The following ZBTB34 variants were observed in gnomAD, a reference collection of about 807,000 sequenced individuals.
The protein encoded by ZBTB34 is zinc finger and BTB domain-containing protein 34.
Under a neutral mutation model 33.4 loss-of-function variants are expected in ZBTB34, and 1 was observed. The observed-to-expected ratio is 0.03, with a 90% CI of 0.01 to 0.14. ZBTB34 has a LOEUF of 0.14. Among genes scored for constraint, ZBTB34 ranks in the 10% least tolerant of loss-of-function variants. The probability of loss-of-function intolerance (pLI) is 1.00; values close to 1 mark genes in which losing one functional copy is unlikely to be tolerated. For synonymous variants in ZBTB34, 283 were observed against 253.5 expected, an observed-to-expected ratio of 1.12 and a Z score of -1.11; for missense variants, 406 against 657.2, an observed-to-expected ratio of 0.62 and a Z score of 4.18.
At chr9:126,877,629 C>T (rs926690122) in intron 1 of ZBTB34, among the ~76,000 whole-genome samples, 21 of 152,218 alleles carry the variant, frequency 1.4e-4, no homozygotes, top group Admixed American at 2.0e-4. Flanking sequence ...TGTGCCGCAG[C>T]TGTGAGCGCT....
At chr9:126,860,729 G>C (rs1588381363) in exon 1 of ZBTB34, 1 of 145,690 alleles carries the variant, frequency 6.9e-6, no homozygotes, top group African/African-American at 2.5e-5. Context: ...TGAGCGCGGC[G>C]CTCTGGACAG....
intron 1 of ZBTB34, among the ~76,000 whole-genome samples, chr9:126,865,411 T>C (rs1173546131): frequency 6.6e-6 from 1 of 152,240 alleles, no homozygotes; most frequent in Admixed American, 6.5e-5. Flanking sequence ...GTGAGGAGTC[T>C]CACAGAATCA....
At chr9:126,864,976 A>G (rs2033182209) in intron 1 of ZBTB34, among the ~76,000 whole-genome samples, 1 of 152,214 alleles carries the variant, frequency 6.6e-6, no homozygotes, top group South Asian at 2.1e-4. Flanking sequence ...AAATGACTGA[A>G]GCCAGCAGGT....
At chr9:126,885,565 A>AT (rs1167205930) in exon 2 of ZBTB34, 1 of 167,144 alleles carries the variant, frequency 6.0e-6, no homozygotes, top group Non-Finnish European at 1.5e-5. Flanking sequence ...CAGTGTCATT[A>AT]TCTTGCAATA....
intron 1 of ZBTB34, among the ~76,000 whole-genome samples, chr9:126,869,095 C>T (rs2033245247): frequency 6.6e-6 from 1 of 152,138 alleles, no homozygotes. Context: ...TGCTTGGTCA[C>T]AGCGAATATG....
intron 1 of ZBTB34, among the ~76,000 whole-genome samples, chr9:126,875,424 A>T (rs2033342843): frequency 6.6e-6 from 1 of 152,184 alleles, no homozygotes; most frequent in South Asian, 2.1e-4. Context: ...TTTATAAATT[A>T]ATTTTGGGGG....
exon 2 of ZBTB34, chr9:126,882,511 G>T (rs528940126): frequency 6.0e-6 from 1 of 167,004 alleles, no homozygotes; most frequent in Non-Finnish European, 1.5e-5. Context: ...AGATTGCTTC[G>T]GTACTGTAAA....
intron 1 of ZBTB34, among the ~76,000 whole-genome samples, chr9:126,877,515 T>TTATGTTTCTG (rs1214987202): frequency 6.6e-6 from 1 of 152,198 alleles, no homozygotes; most frequent in Non-Finnish European, 1.5e-5. Context: ...TCTGGTTTTG[T>TTATGTTTCTG]TATGTTTCTG....
Position 126,879,523 on chromosome 9 carries a change from A to G in ZBTB34, c.124A>G (p.Ile42Val). The change falls in exon 2 of 2, where the codon ATT becomes GTT. Residue 42 changes from isoleucine to valine, a missense_variant. This residue lies in a region of ZBTB34 where 50 missense variants were observed against 157.9 expected (regional missense o/e 0.32). Coordinates refer to ENST00000319119, the Ensembl canonical transcript of ZBTB34. The surrounding 1 kb of genome is among the most constrained non-coding windows in gnomAD (Gnocchi z 6.4). ...GAAACTATGTGACATCATTGTACAC[A>G]TTCAGGGTCAGCCATTCCGAGCCCA... 6.2e-7 allele frequency: 1 copy of G among 1,613,962 alleles called. No individual in the cohort carries two copies. Among genetic ancestry groups the G allele is most frequent in the African/African-American group, 1.3e-5 (1 of 75,062 alleles).
chr9:126,861,169 C>T (rs1215633828), intron 1 of ZBTB34, among the ~76,000 whole-genome samples: 1 of 152,158 alleles, frequency 6.6e-6, no homozygotes, highest in East Asian at 1.9e-4. Flanking sequence ...GAGAGCCGGC[C>T]GGGCCAGGGG....
intron 1 of ZBTB34, among the ~76,000 whole-genome samples, chr9:126,862,915 CTTTTT>C (rs11363063): frequency 6.9e-6 from 1 of 144,728 alleles, no homozygotes; most frequent in African/African-American, 2.5e-5. Flanking sequence ...TGTAATTTGC[CTTTTT>C]TTTTTTTTAA....
chr9:126,885,469 T>A (rs1257086090), exon 2 of ZBTB34: 1 of 167,088 alleles, frequency 6.0e-6, no homozygotes. Flanking sequence ...TTTCCTAATG[T>A]GAAAACCATC....
chr9:126,882,438 A>T (rs1268050051), exon 2 of ZBTB34: 1 of 167,138 alleles, frequency 6.0e-6, no homozygotes, highest in Non-Finnish European at 1.5e-5. Context: ...ATAATGTTTT[A>T]TTAGTACTTT....
chr9:126,877,325 A>G (rs920622423), intron 1 of ZBTB34, among the ~76,000 whole-genome samples: 1 of 152,184 alleles, frequency 6.6e-6, no homozygotes, highest in African/African-American at 2.4e-5. Flanking sequence ...ATATCTGTCC[A>G]TCTCTTTTTT....
chr9:126,871,280 C>T (rs1205280701), intron 1 of ZBTB34, among the ~76,000 whole-genome samples: 3 of 149,820 alleles, frequency 2.0e-5, no homozygotes, highest in African/African-American at 2.5e-5. Flanking sequence ...TGGTTAAGTA[C>T]GTTGTGATAT....
intron 1 of ZBTB34, among the ~76,000 whole-genome samples, chr9:126,862,645 C>T (rs972877723): frequency 2.0e-5 from 3 of 152,192 alleles, no homozygotes. Context: ...TTCCTTCAAG[C>T]CCCTGCTGCA....
chr9:126,879,276 A>G lies in ZBTB34; in HGVS notation c.-10-114A>G. On this transcript the variant is annotated intron_variant, in intron 1 of 1. Transcript: ENST00000319119. This position sits in a 1 kb window ranked among gnomAD's most constrained non-coding sequence, Gnocchi z 6.4. ...AAACAAGGGGAAGAATGCTTCAGGT[A>G]GATTTTAGGAGGTATGATAGCCACA... 1 of 823,448 alleles carries G rather than the reference A, an allele frequency of 1.2e-6. No homozygotes were observed. The highest frequency in any genetic ancestry group is 1.9e-6 in the Non-Finnish European group (1 of 532,606). 51.0% of individuals were successfully genotyped at this position (823,448 alleles called of 1,614,324 possible). A position where few individuals can be genotyped will look rare whatever the true frequency, so the allele number is the denominator to read the frequency against.
intron 1 of ZBTB34, among the ~76,000 whole-genome samples, chr9:126,872,182 C>T (rs1049923003): frequency 8.6e-5 from 13 of 151,994 alleles, no homozygotes; most frequent in African/African-American, 2.9e-4. Flanking sequence ...ACCTCCCAAC[C>T]TGAGGTGCTC....
At chr9:126,875,356 G>C (rs1485308592) in intron 1 of ZBTB34, among the ~76,000 whole-genome samples, 1 of 152,100 alleles carries the variant, frequency 6.6e-6, no homozygotes, top group East Asian at 1.9e-4. Flanking sequence ...TGTTCTAGAT[G>C]AATTTTAAAA....
Sources: gnomAD v4.1 joint callset for allele counts (sites outside exome capture counted in the v4.1 genomes callset) on GRCh38, gnomAD v4.1.1 for gene constraint, gnomAD v4.1.1 regional missense constraint, Gnocchi (gnomAD v3.1) non-coding constraint, MANE v1.5 for transcripts, NCBI Gene and HGNC (gene_info 2026-07-23, HGNC 2026-07-21) for gene names.